The following ZNF37A variants were observed in gnomAD, a reference collection of about 807,000 sequenced individuals.
The protein encoded by ZNF37A is zinc finger protein 37a (KOX 21).
In ZNF37A, 10 loss-of-function variants were observed where a neutral mutation model predicts 12.3. The ratio of observed to expected loss-of-function variants is 0.82; its 90% CI spans 0.50 to 1.38. ZNF37A has a LOEUF of 1.38. Ranked by LOEUF, ZNF37A falls within the 40% of genes most tolerant of loss-of-function variation. ZNF37A has a pLI of 0.00. For missense variants in ZNF37A, 580 were observed against 651.2 expected (o/e 0.89, Z 1.19); for synonymous variants, 207 against 223.0 (o/e 0.93, Z 0.64).
chr10:38,149,413 T>G (rs1182155635), exon 8 of ZNF37A: 1 of 152,066 alleles, frequency 6.6e-6, no homozygotes, highest in Non-Finnish European at 1.5e-5. Context: ...TCCTCCAGGC[T>G]CTCTCACATG....
At chr10:38,102,509 G>A (rs2067676901) in intron 5 of ZNF37A, among the ~76,000 whole-genome samples, 2 of 152,024 alleles carry the variant, frequency 1.3e-5, no homozygotes, top group South Asian at 4.1e-4. Flanking sequence ...CATAAATTGT[G>A]TGCACATTAC....
chr10:38,117,333 G>A, intron 7 of ZNF37A, 57 bp from the exon 8 acceptor site: 9 of 1,525,788 alleles, frequency 5.9e-6, no homozygotes, highest in South Asian at 1.4e-5. Context: ...ATAATGCTAA[G>A]TTTATTTCTC....
In ZNF37A at chr10:38,119,202, GAC is replaced by G. The variant is rs2069539243; in HGVS notation, c.*370_*371del. ...TACAGTTTCACAGAATACCTGAGAA[GAC>G]ACACTTGGAGAAACCTTTTGGGTGT... On this transcript the variant is annotated 3_prime_UTR_variant, in exon 8 of 8. Coordinates refer to ENST00000685332, the MANE Select transcript of ZNF37A (RefSeq NM_001324250.3). 4.9e-5 allele frequency: 50 copies of G among 1,020,556 alleles called. No individual in the cohort carries two copies. The highest frequency in any genetic ancestry group is 5.9e-5 in the Non-Finnish European group (50 of 842,980). 63.2% of individuals were successfully genotyped at this position (1,020,556 alleles called of 1,614,324 possible). A position where few individuals can be genotyped will look rare whatever the true frequency, so the allele number is the denominator to read the frequency against.
intron 7 of ZNF37A, chr10:38,143,990 CCATGGTCCA>C (rs1386559528): frequency 1.3e-5 from 2 of 152,266 alleles, no homozygotes; most frequent in Non-Finnish European, 2.9e-5. Flanking sequence ...GCCCTGAGAA[CCATGGTCCA>C]CATGGCGCCT....
Position 38,123,493 on chromosome 10 carries a change from C to T in ZNF37A, c.*4656C>T, listed in dbSNP as rs1465291579. The T allele has an allele frequency of 2.0e-5, 3 of 151,880 alleles. No homozygotes were observed. Among genetic ancestry groups the T allele is most frequent in the Non-Finnish European group, 4.4e-5 (3 of 67,976 alleles). The allele number at this position is 151,880 out of a possible 1,614,324, so 9.4% of individuals were successfully genotyped here. ...AGCATCAATTAATGAGGGATCCTCT[C>T]CCTTGATCAAAACACCTTCCACCAA... On this transcript the variant is annotated 3_prime_UTR_variant, in exon 8 of 8. Coordinates refer to ENST00000685332, the MANE Select transcript of ZNF37A (RefSeq NM_001324250.3).
exon 8 of ZNF37A, chr10:38,148,469 C>T (rs1382513540): frequency 6.6e-6 from 1 of 152,148 alleles, no homozygotes; most frequent in Non-Finnish European, 1.5e-5. Context: ...GAGCATTTAC[C>T]AGGGGATTTT....
chr10:38,116,699 G>A (rs968020302), intron 7 of ZNF37A, among the ~76,000 whole-genome samples: 5 of 152,182 alleles, frequency 3.3e-5, no homozygotes, highest in Non-Finnish European at 5.9e-5. Context: ...GAAATAAAGG[G>A]CAAATCCCAC....
chr10:38,133,251 A>T (rs1377793173), intron 7 of ZNF37A, among the ~76,000 whole-genome samples: 1 of 152,132 alleles, frequency 6.6e-6, no homozygotes, highest in Non-Finnish European at 1.5e-5. Context: ...TGGAATTGTT[A>T]ATCTGTTCAG....
intron 7 of ZNF37A, among the ~76,000 whole-genome samples, chr10:38,145,244 C>A (rs1440040766): frequency 2.0e-5 from 3 of 152,108 alleles, no homozygotes; most frequent in Non-Finnish European, 4.4e-5. Context: ...GCCACAAATT[C>A]TACGGAGGCT....
At chr10:38,129,304 T>TAAAAAAAAAAAAAAAA (rs775705417), downstream of ZNF37A, among the ~76,000 whole-genome samples, 22 of 56,894 alleles carry the variant, frequency 3.9e-4, no homozygotes, top group East Asian at 1.7e-3. Flanking sequence ...AGACTCTGTC[T>TAAAAAAAAAAAAAAAA]AAAAAAAAAA....
At chr10:38,110,686 C>G (rs181714925) in intron 5 of ZNF37A, among the ~76,000 whole-genome samples, 6,445 of 152,206 alleles carry the variant, frequency 0.042, 191 homozygotes, top group Non-Finnish European at 0.06. Context: ...TGAACAGACA[C>G]TTCTCAAAAG....
intron 7 of ZNF37A, among the ~76,000 whole-genome samples, chr10:38,145,118 A>C (rs1168767799): frequency 6.6e-6 from 1 of 152,168 alleles, no homozygotes; most frequent in Non-Finnish European, 1.5e-5. Flanking sequence ...AACGGCTTGG[A>C]TGCTAAACAT....
intron 5 of ZNF37A, among the ~76,000 whole-genome samples, chr10:38,106,000 G>T (rs569115908): frequency 6.6e-6 from 1 of 152,008 alleles, no homozygotes; most frequent in East Asian, 1.9e-4. Context: ...ATTTGCTCTG[G>T]CTAGAACTTT....
chr10:38,118,003 A>C lies in ZNF37A; in HGVS notation c.852A>C (p.Ser284=). 4 of 1,614,128 alleles carry C rather than the reference A, an allele frequency of 2.5e-6. No homozygotes were observed. Among genetic ancestry groups the C allele is most frequent in the Non-Finnish European group, 3.4e-6 (4 of 1,180,034 alleles). The part of the protein sequence containing the change: ...HECGKTFTQK[S]AHTRHQRTHT... Reference sequence around the variant, plus strand: ...GTGGAAAAACCTTCACCCAGAAGTCAGCCCACACAAGACATCAGAGAACAC... The same window carrying C: ...GTGGAAAAACCTTCACCCAGAAGTCCGCCCACACAAGACATCAGAGAACAC... The change falls in exon 8 of 8, where the codon TCA becomes TCC. Residue 284 remains serine, a synonymous_variant. Transcript: ENST00000685332.
rs576316432 is a variant in ZNF37A, at chr10:38,121,698, A to G, written c.*2861A>G. 6.6e-6 allele frequency: 1 copy of G among 152,278 alleles called. No homozygotes were observed. The highest frequency in any genetic ancestry group is 1.5e-5 in the Non-Finnish European group (1 of 68,024). 9.4% of individuals were successfully genotyped at this position (152,278 alleles called of 1,614,324 possible). On this transcript the variant is annotated 3_prime_UTR_variant, in exon 8 of 8. Transcript: ENST00000685332. Reference sequence around the variant, plus strand: ...ACCTGGAGTGTGGCATTAGAATAGAACTCATATCTTTTAAATATATAGGAA... The same window carrying G: ...ACCTGGAGTGTGGCATTAGAATAGAGCTCATATCTTTTAAATATATAGGAA...
At chr10:38,113,519 A>C (rs1278353008) in intron 5 of ZNF37A, among the ~76,000 whole-genome samples, 2 of 152,106 alleles carry the variant, frequency 1.3e-5, no homozygotes, top group African/African-American at 4.8e-5. Flanking sequence ...ACATGAAGAC[A>C]TTCCAAGAGC....
Position 38,121,215 on chromosome 10 carries a change from A to C in ZNF37A, c.*2378A>C, listed in dbSNP as rs564405060. The C allele has an allele frequency of 3.9e-5, 6 of 152,204 alleles. No homozygotes were observed. The highest frequency in any genetic ancestry group is 2.1e-4 in the South Asian group (1 of 4,822). The allele number at this position is 152,204 out of a possible 1,614,324, so 9.4% of individuals were successfully genotyped here. On this transcript the variant is annotated 3_prime_UTR_variant, in exon 8 of 8. Coordinates refer to ENST00000685332, the MANE Select transcript of ZNF37A (RefSeq NM_001324250.3). Reference sequence around the variant, plus strand: ...CTTGATAACAAAACCTAAAAAAAAAACAACAAAAAAACCCATAAAGCTATA... The same window carrying C: ...CTTGATAACAAAACCTAAAAAAAAACCAACAAAAAAACCCATAAAGCTATA...
chr10:38,147,088 A>G (rs1325050905), exon 8 of ZNF37A: 3 of 218,450 alleles, frequency 1.4e-5, no homozygotes, highest in African/African-American at 4.6e-5. Context: ...TGCTCATGCT[A>G]TTTGTGGTTT....
chr10:38,096,498 C>G (rs2067163011), intron 4 of ZNF37A, 76 bp from the exon 5 acceptor site: 1 of 951,534 alleles, frequency 1.1e-6, no homozygotes, highest in African/African-American at 1.6e-5. Flanking sequence ...ATCTCCCTTT[C>G]AGAGATGTTT....
Sources: gnomAD v4.1 joint callset for allele counts (sites outside exome capture counted in the v4.1 genomes callset) on GRCh38, gnomAD v4.1.1 for gene constraint, MANE v1.5 for transcripts, NCBI Gene and HGNC (gene_info 2026-07-23, HGNC 2026-07-21) for gene names.